Variants in RAB4B observed in about 807,000 individuals in gnomAD.
RAB4B encodes ras-related protein Rab-4B.
RAB4B carries 15 observed loss-of-function variants against 28.3 expected under a neutral mutation model. The ratio of observed to expected loss-of-function variants is 0.53; its 90% CI spans 0.35 to 0.82. RAB4B has a LOEUF of 0.82. Among genes scored for constraint, RAB4B ranks in the 40% least tolerant of loss-of-function variants. The pLI is 0.01. For missense variants in RAB4B, 244 were observed against 288.5 expected (o/e 0.85, Z 1.12); for synonymous variants, 108 against 116.3 (o/e 0.93, Z 0.46).
intron 5 of RAB4B, among the ~76,000 whole-genome samples, 188 bp downstream of exon 5, chr19:40,784,263 G>C (rs2083077816): frequency 6.6e-6 from 1 of 152,114 alleles, no homozygotes; most frequent in Non-Finnish European, 1.5e-5. Flanking sequence ...AGGCCAAGGT[G>C]GGAGGACTGC....
At chr19:40,791,616 C>T (rs560613993) in intron 7 of RAB4B, among the ~76,000 whole-genome samples, 2 of 152,160 alleles carry the variant, frequency 1.3e-5, no homozygotes, top group East Asian at 3.9e-4. Flanking sequence ...GGCAGCACTA[C>T]TTGTTCCTCC....
intron 3 of RAB4B, among the ~76,000 whole-genome samples, chr19:40,783,374 A>T (rs948075554): frequency 6.6e-6 from 1 of 151,540 alleles, no homozygotes; most frequent in African/African-American, 2.4e-5. Context: ...TGAGCCTAGG[A>T]GGTCGAGGAT....
chr19:40,791,335 A>T (rs207477209), intron 7 of RAB4B, among the ~76,000 whole-genome samples: 2 of 152,050 alleles, frequency 1.3e-5, no homozygotes, highest in Admixed American at 6.6e-5. Flanking sequence ...TCTAACACAC[A>T]TATCTGCTCC....
At chr19:40,778,529 G>T (rs2083017044) in intron 1 of RAB4B, 138 bp downstream of exon 1, 2 of 865,322 alleles carry the variant, frequency 2.3e-6, no homozygotes, top group East Asian at 6.7e-5. Context: ...GCTGGGAGGG[G>T]TTTAGTGGGT....
intron 7 of RAB4B, among the ~76,000 whole-genome samples, chr19:40,790,089 TTA>T (rs2083142956): frequency 6.6e-6 from 1 of 152,138 alleles, no homozygotes; most frequent in Admixed American, 6.5e-5. Context: ...GGCCTCTGGC[TTA>T]TACCCTGTGT....
Position 40,784,058 on chromosome 19 carries a change from G to A in RAB4B, c.413G>A (p.Arg138His), listed in dbSNP as rs1159610126. The change falls in exon 5 of 8, where the codon CGC (arginine) becomes CAC (histidine). Residue 138 changes from arginine (R) to histidine (H), a missense_variant. Coordinates refer to ENST00000357052, the MANE Select transcript of RAB4B (RefSeq NM_016154.5). ...GAGGTCACTTTCCTGGAGGCCTCCC[G>A]CTTTGCCCAGGAGAATGGTGAGGGC... The part of the protein sequence containing the change: ...EREVTFLEAS[R>H]FAQENELMFL... 8 of 1,612,358 alleles carry A rather than the reference G, an allele frequency of 5.0e-6. No individual in the cohort carries two copies. Among genetic ancestry groups the A allele is most frequent in the South Asian group, 1.1e-5 (1 of 90,922 alleles).
At chr19:40,790,270 A>G (rs1358599242) in intron 7 of RAB4B, among the ~76,000 whole-genome samples, 1 of 152,044 alleles carries the variant, frequency 6.6e-6, no homozygotes, top group African/African-American at 2.4e-5. Flanking sequence ...AGGACAGGAC[A>G]AGGGGGCGGG....
At chr19:40,783,191 A>G (rs1159935257) in intron 3 of RAB4B, among the ~76,000 whole-genome samples, 1 of 150,758 alleles carries the variant, frequency 6.6e-6, no homozygotes, top group East Asian at 2.0e-4. Flanking sequence ...AAAAAGACAC[A>G]TAGGTTAAGG....
intron 7 of RAB4B, among the ~76,000 whole-genome samples, chr19:40,793,572 G>GA (rs2083179058): frequency 8.0e-6 from 1 of 125,414 alleles, no homozygotes; most frequent in African/African-American, 3.2e-5. Flanking sequence ...TTTCTTTTTT[G>GA]TTTTTTTTTT....
At chr19:40,792,148 A>T (rs1327760836) in intron 7 of RAB4B, 2 of 152,240 alleles carry the variant, frequency 1.3e-5, no homozygotes, top group Non-Finnish European at 2.9e-5. Context: ...GATGGAATGG[A>T]TGTGTAATCT....
At chr19:40,788,711 C>T (rs895375421) in intron 7 of RAB4B, among the ~76,000 whole-genome samples, 10 of 148,706 alleles carry the variant, frequency 6.7e-5, no homozygotes, top group African/African-American at 1.5e-4. Flanking sequence ...CTCAGCCTCC[C>T]GAGTAGCTGA....
intron 7 of RAB4B, among the ~76,000 whole-genome samples, chr19:40,790,664 C>CTTTTTTT (rs34206561): frequency 9.0e-6 from 1 of 111,512 alleles, no homozygotes; most frequent in Non-Finnish European, 1.8e-5. Flanking sequence ...TGAGCCTTTC[C>CTTTTTTT]TTTTTTTTTT....
intron 7 of RAB4B, among the ~76,000 whole-genome samples, chr19:40,791,946 C>G (rs2145062238): frequency 6.6e-6 from 1 of 152,328 alleles, no homozygotes; most frequent in South Asian, 2.1e-4. Flanking sequence ...AACTTCTTGA[C>G]AGGCTTTCAA....
At chr19:40,786,304 G>C (rs1036009076) in intron 5 of RAB4B, 27 of 342,562 alleles carry the variant, frequency 7.9e-5, no homozygotes, top group Middle Eastern at 2.0e-3. Flanking sequence ...AGGGTCAGGG[G>C]TGGGATGGGG....
chr19:40,784,584 G>C (rs1280800053), intron 5 of RAB4B, among the ~76,000 whole-genome samples: 1 of 152,124 alleles, frequency 6.6e-6, no homozygotes, highest in African/African-American at 2.4e-5. Flanking sequence ...TCTTCATCTG[G>C]AAAGTGGGAT....
At chr19:40,787,360 C>A (rs1351473264) in intron 7 of RAB4B, among the ~76,000 whole-genome samples, 1 of 151,982 alleles carries the variant, frequency 6.6e-6, no homozygotes, top group Non-Finnish European at 1.5e-5. Context: ...CATGGTGAAG[C>A]CCCCTCTCTA....
chr19:40,782,367 G>A (rs1371462703), intron 3 of RAB4B, among the ~76,000 whole-genome samples: 2 of 151,924 alleles, frequency 1.3e-5, no homozygotes, highest in Non-Finnish European at 2.9e-5. Context: ...AGAAGGATAA[G>A]CAGATGTTGT....
At chr19:40,779,946 A>G in intron 1 of RAB4B, 73 bp from the exon 2 acceptor site, 1 of 1,609,108 alleles carries the variant, frequency 6.2e-7, no homozygotes, top group Non-Finnish European at 8.5e-7. Flanking sequence ...GAGAGATTGG[A>G]TTGGAATCCA....
At chr19:40,791,193 C>T (rs542648341) in intron 7 of RAB4B, among the ~76,000 whole-genome samples, 1 of 152,148 alleles carries the variant, frequency 6.6e-6, no homozygotes, top group South Asian at 2.1e-4. Context: ...TTTTGCCATG[C>T]TCGTGAGGCT....
Sources: allele counts gnomAD v4.1 joint callset (sites outside exome capture counted in the v4.1 genomes callset), GRCh38; gene constraint gnomAD v4.1.1; transcripts MANE v1.5; gene names NCBI Gene and HGNC (gene_info 2026-07-23, HGNC 2026-07-21).